ACTR3C: variants seen among roughly 807,000 people sequenced by gnomAD.
ACTR3C encodes the protein actin related protein 3C, also known as actin-related protein 3C.
In ACTR3C, 18 loss-of-function variants were observed where a neutral mutation model predicts 26.3. The ratio of observed to expected loss-of-function variants is 0.68; its 90% CI spans 0.47 to 1.01. The LOEUF is 1.01. Among genes scored for constraint, ACTR3C ranks in the 50% least tolerant of loss-of-function variants. The pLI is 0.00. For missense variants in ACTR3C, 184 were observed against 250.7 expected (o/e 0.73, Z 1.80); for synonymous variants, 55 against 94.5 (o/e 0.58, Z 2.42).
the ACTR3C span, among the ~76,000 whole-genome samples, chr7:150,198,789 G>A: frequency 1.4e-4 from 17 of 124,960 alleles, 1 homozygote; most frequent in Admixed American, 3.8e-4. Context: ...CAGCCGTGCC[G>A]TCCGGGAGGG....
the ACTR3C span, among the ~76,000 whole-genome samples, chr7:149,962,246 G>C: frequency 6.7e-6 from 1 of 150,256 alleles, no homozygotes; most frequent in Non-Finnish European, 1.5e-5. Flanking sequence ...GTAAGCTCAT[G>C]GGAAGTGTAA....
At chr7:150,033,203 G>C in the ACTR3C span, among the ~76,000 whole-genome samples, 57,478 of 151,478 alleles carry the variant, frequency 0.38, 11,527 homozygotes, top group East Asian at 0.62. Flanking sequence ...GAACAACTCG[G>C]TGGGTTTTCC....
chr7:150,250,818 C>A (rs1023766955), intron 6 of ACTR3C, among the ~76,000 whole-genome samples: 4 of 151,912 alleles, frequency 2.6e-5, no homozygotes, highest in Non-Finnish European at 4.4e-5. Context: ...GGTTGAGATG[C>A]CGATTAAGCA....
the ACTR3C span, among the ~76,000 whole-genome samples, chr7:150,107,078 G>T: frequency 2.1e-5 from 3 of 144,738 alleles, 1 homozygote; most frequent in Non-Finnish European, 4.5e-5. Flanking sequence ...GATGAAGCAG[G>T]TTGTATGGGG....
At chr7:150,037,057 A>T in the ACTR3C span, among the ~76,000 whole-genome samples, 2 of 83,710 alleles carry the variant, frequency 2.4e-5, no homozygotes, top group Non-Finnish European at 2.6e-5. Context: ...CTCAGTCCCC[A>T]CCCTCGCGGG....
chr7:150,203,685 C>T, the ACTR3C span, among the ~76,000 whole-genome samples: 8 of 152,304 alleles, frequency 5.3e-5, no homozygotes, highest in African/African-American at 7.2e-5. Context: ...CCTGCCTCAG[C>T]CTTCCAAGTA....
At chr7:150,125,345 C>T in the ACTR3C span, among the ~76,000 whole-genome samples, 2 of 151,288 alleles carry the variant, frequency 1.3e-5, no homozygotes, top group African/African-American at 2.4e-5. Context: ...AGGAGACTTG[C>T]TATGAAACTT....
At chr7:150,170,114 C>G in the ACTR3C span, among the ~76,000 whole-genome samples, 1 of 149,322 alleles carries the variant, frequency 6.7e-6, no homozygotes, top group East Asian at 1.9e-4. Context: ...CATCTCAGAG[C>G]TAAATGGGAA....
At chr7:150,156,740 A>G in the ACTR3C span, among the ~76,000 whole-genome samples, 1 of 152,156 alleles carries the variant, frequency 6.6e-6, no homozygotes, top group South Asian at 2.1e-4. Flanking sequence ...ATTCCTATTT[A>G]ATGTAGTAAC....
the ACTR3C span, chr7:149,909,829 T>A: frequency 4.8e-5 from 16 of 329,980 alleles, no homozygotes; most frequent in Admixed American, 4.7e-5. Context: ...TCCTTGAAAT[T>A]AAAAAAAAAA....
chr7:150,134,743 C>A, the ACTR3C span, among the ~76,000 whole-genome samples: 32 of 152,274 alleles, frequency 2.1e-4, no homozygotes, highest in Admixed American at 2.1e-3. Flanking sequence ...AGGATGATTC[C>A]TTTTACAAAG....
chr7:150,044,309 A>C, the ACTR3C span, among the ~76,000 whole-genome samples: 2 of 152,224 alleles, frequency 1.3e-5, no homozygotes, highest in South Asian at 2.1e-4. Flanking sequence ...TTCCTTTAAG[A>C]GTCAACTTAT....
chr7:150,124,161 G>C, the ACTR3C span, among the ~76,000 whole-genome samples: 1 of 152,096 alleles, frequency 6.6e-6, no homozygotes. Flanking sequence ...CCTTCTTCAT[G>C]AAAATCATTT....
At chr7:150,067,998 GATAAA>G in the ACTR3C span, among the ~76,000 whole-genome samples, 1 of 151,996 alleles carries the variant, frequency 6.6e-6, no homozygotes, top group Non-Finnish European at 1.5e-5. Context: ...AAATATATAA[GATAAA>G]ATATGTCAGA....
chr7:149,930,083 G>A, the ACTR3C span, among the ~76,000 whole-genome samples: 68,605 of 151,828 alleles, frequency 0.45, 16,325 homozygotes, highest in Non-Finnish European at 0.53. Flanking sequence ...CATCTTGAAA[G>A]ACAAAAAAAG....
chr7:150,075,910 T>G, the ACTR3C span, among the ~76,000 whole-genome samples: 1 of 152,166 alleles, frequency 6.6e-6, no homozygotes, highest in Non-Finnish European at 1.5e-5. Flanking sequence ...GACGAGCCCC[T>G]CTGCTCGGAC....
the ACTR3C span, among the ~76,000 whole-genome samples, chr7:149,954,160 T>C: frequency 1.3e-5 from 2 of 151,798 alleles, no homozygotes; most frequent in African/African-American, 4.8e-5. Context: ...GATAAGGTCA[T>C]ATTAATTTAA....
chr7:150,255,170 A>G (rs943151267), intron 6 of ACTR3C, among the ~76,000 whole-genome samples: 3 of 151,754 alleles, frequency 2.0e-5, no homozygotes, highest in African/African-American at 7.3e-5. Flanking sequence ...TGTTCAATGG[A>G]AGGAAATGCT....
At chr7:150,313,680 A>C (rs1053655628) in intron 1 of ACTR3C, among the ~76,000 whole-genome samples, 21 of 151,952 alleles carry the variant, frequency 1.4e-4, no homozygotes, top group African/African-American at 4.8e-4. Flanking sequence ...GGCCAAGAGG[A>C]GGTGTGCATT....
Sources: gnomAD v4.1 joint callset for allele counts (sites outside exome capture counted in the v4.1 genomes callset) on GRCh38, gnomAD v4.1.1 for gene constraint, MANE v1.5 for transcripts, NCBI Gene and HGNC (gene_info 2026-07-23, HGNC 2026-07-21) for gene names.